SUPT3H: variants seen among roughly 807,000 people sequenced by gnomAD.
SUPT3H encodes the protein SPT3 homolog, SAGA and STAGA complex component, also known as transcription initiation protein SPT3 homolog.
A neutral mutation model predicts 44.3 loss-of-function variants in SUPT3H; 44 were observed. The observed-to-expected ratio is 0.99, with a 90% CI of 0.78 to 1.28. SUPT3H has a LOEUF of 1.28. SUPT3H is among the 50% of genes most tolerant of loss of function. SUPT3H has a pLI of 0.00. For synonymous variants in SUPT3H, 124 were observed against 125.6 expected, an observed-to-expected ratio of 0.99 and a Z score of 0.09; for missense variants, 380 against 387.1, an observed-to-expected ratio of 0.98 and a Z score of 0.15.
intron 10 of SUPT3H, among the ~76,000 whole-genome samples, chr6:44,878,935 C>G (rs552470178): frequency 1.3e-5 from 2 of 152,078 alleles, no homozygotes; most frequent in Non-Finnish European, 2.9e-5. Flanking sequence ...ACCCTCAGAC[C>G]AAGAGATTCC....
chr6:45,009,914 A>G (rs1039277948), intron 5 of SUPT3H, among the ~76,000 whole-genome samples: 7 of 152,138 alleles, frequency 4.6e-5, no homozygotes, highest in African/African-American at 1.4e-4. Flanking sequence ...AGCAGATGAA[A>G]TCTGTAGGCC....
At chr6:45,282,481 T>G (rs1778324538) in intron 2 of SUPT3H, among the ~76,000 whole-genome samples, 1 of 152,092 alleles carries the variant, frequency 6.6e-6, no homozygotes, top group African/African-American at 2.4e-5. Flanking sequence ...GAAGAAAGGG[T>G]ATCAGTGATG....
chr6:44,826,018 A>ACTAT (rs894368982), downstream of SUPT3H, among the ~76,000 whole-genome samples: 7 of 152,314 alleles, frequency 4.6e-5, no homozygotes, highest in South Asian at 2.1e-4. Context: ...TTGACTATTT[A>ACTAT]CTATCTATCT....
intron 2 of SUPT3H, among the ~76,000 whole-genome samples, chr6:45,351,076 G>A (rs1437003819): frequency 6.6e-6 from 1 of 151,852 alleles, no homozygotes; most frequent in East Asian, 1.9e-4. Flanking sequence ...AAAACCATAC[G>A]CCCCATGTCC....
At chr6:44,957,017 A>C (rs575723879) in intron 7 of SUPT3H, among the ~76,000 whole-genome samples, 1 of 152,352 alleles carries the variant, frequency 6.6e-6, no homozygotes, top group South Asian at 2.1e-4. Flanking sequence ...CACAGTGCTA[A>C]GCAGTCTAAT....
At chr6:45,056,800 A>G (rs1791199259) in intron 3 of SUPT3H, among the ~76,000 whole-genome samples, 1 of 152,144 alleles carries the variant, frequency 6.6e-6, no homozygotes, top group Non-Finnish European at 1.5e-5. Context: ...TCATCACTAA[A>G]TAACTTATCC....
chr6:45,068,458 T>C (rs1398905698), intron 3 of SUPT3H, among the ~76,000 whole-genome samples: 1 of 150,208 alleles, frequency 6.7e-6, no homozygotes, highest in Non-Finnish European at 1.5e-5. Flanking sequence ...AAACTTAAAG[T>C]ATAATAAAAA....
intron 2 of SUPT3H, among the ~76,000 whole-genome samples, chr6:45,215,021 AG>A (rs1296587540): frequency 6.6e-6 from 1 of 152,148 alleles, no homozygotes; most frequent in African/African-American, 2.4e-5. Context: ...GCTGCACGAC[AG>A]CAACAACAAA....
At chr6:45,203,652 C>T (rs949205659) in intron 2 of SUPT3H, among the ~76,000 whole-genome samples, 1 of 152,164 alleles carries the variant, frequency 6.6e-6, no homozygotes, top group Non-Finnish European at 1.5e-5. Flanking sequence ...ATCTTTAACA[C>T]GACATGTGTT....
chr6:44,856,878 C>T (rs146919319), intron 10 of SUPT3H, among the ~76,000 whole-genome samples: 24 of 152,246 alleles, frequency 1.6e-4, no homozygotes, highest in South Asian at 6.2e-4. Flanking sequence ...GTAATGATTC[C>T]GTTGATTTAA....
In SUPT3H at chr6:44,880,173, AC is replaced by A. The variant is rs539960696; in HGVS notation, c.913-50317del. ...CCAACCCAAAGCAAGAAAGCTGAGA[AC>A]CCTGAAAAAAGGTTAGAGGAATTGC... is the stretch of plus-strand genomic sequence containing the variant. On this transcript the variant is annotated intron_variant, in intron 10 of 10. Transcript: ENST00000371459. 1.8e-3 allele frequency among the ~76,000 whole-genome samples: 275 copies of A among 152,212 alleles called. 1 individual carries two copies. Among genetic ancestry groups the A allele is most frequent in the African/African-American group, 6.1e-3 (255 of 41,544 alleles).
chr6:45,225,278 T>TA (rs11333549), intron 2 of SUPT3H, among the ~76,000 whole-genome samples: 21 of 132,146 alleles, frequency 1.6e-4, no homozygotes, highest in Admixed American at 3.8e-4. Context: ...AAACTCCATC[T>TA]AAAAAAAAAA....
chr6:44,934,268 C>G (rs1475994963), intron 9 of SUPT3H, among the ~76,000 whole-genome samples: 1 of 152,064 alleles, frequency 6.6e-6, no homozygotes, highest in Non-Finnish European at 1.5e-5. Flanking sequence ...AGCAATTTCA[C>G]CTGTAAGAAT....
chr6:45,277,703 G>C (rs1427168180), intron 2 of SUPT3H, among the ~76,000 whole-genome samples: 2 of 152,112 alleles, frequency 1.3e-5, no homozygotes, highest in Non-Finnish European at 2.9e-5. Flanking sequence ...TTCCAAACAT[G>C]ACTTGGATCT....
At chr6:45,158,298 A>ATTTT (rs56882164) in intron 2 of SUPT3H, among the ~76,000 whole-genome samples, 13 of 99,688 alleles carry the variant, frequency 1.3e-4, no homozygotes, top group South Asian at 3.0e-4. Context: ...ATATATATAT[A>ATTTT]TTTTTTTTTT....
chr6:44,814,037 T>C (rs545901409), intron 11 of SUPT3H, among the ~76,000 whole-genome samples: 1 of 152,232 alleles, frequency 6.6e-6, no homozygotes, highest in Non-Finnish European at 1.5e-5. Flanking sequence ...AGGCATGTCA[T>C]ACTACAACTG....
intron 6 of SUPT3H, among the ~76,000 whole-genome samples, chr6:45,001,268 A>G (rs1781967307): frequency 1.3e-5 from 2 of 152,048 alleles, no homozygotes; most frequent in Non-Finnish European, 2.9e-5. Flanking sequence ...CAAATACACT[A>G]AAGCAACTCT....
At chr6:45,130,399 C>T (rs1045557875) in intron 2 of SUPT3H, among the ~76,000 whole-genome samples, 20 of 152,150 alleles carry the variant, frequency 1.3e-4, no homozygotes, top group Admixed American at 9.8e-4. Context: ...TATGAATATA[C>T]CACATTTTAC....
Position 45,296,738 on chromosome 6 carries a change from C to CAAAAAAAAAAAAAAAAAAAA in SUPT3H, c.101+68443_101+68462dup, listed in dbSNP as rs60921436. The stretch of plus-strand genomic sequence containing the variant: ...TGGCCAACAGAGTAAGACTCTGTCT[C>CAAAAAAAAAAAAAAAAAAAA]AAAAAAAAAAAAAAAAAAAAAAAAA... On this transcript the variant is annotated intron_variant, in intron 2 of 10. Transcript: ENST00000371459. Among the ~76,000 whole-genome samples the CAAAAAAAAAAAAAAAAAAAA allele has an allele frequency of 2.7e-4, 8 of 29,702 alleles. 1 individual carries two copies. Among genetic ancestry groups the CAAAAAAAAAAAAAAAAAAAA allele is most frequent in the Non-Finnish European group, 4.0e-4 (6 of 14,834 alleles). 19.5% of individuals were successfully genotyped at this position (29,702 alleles called of 152,430 possible).
Sources: gnomAD v4.1 joint callset for allele counts (sites outside exome capture counted in the v4.1 genomes callset) on GRCh38, gnomAD v4.1.1 for gene constraint, MANE v1.5 for transcripts, NCBI Gene and HGNC (gene_info 2026-07-23, HGNC 2026-07-21) for gene names.